The following FOXP2 variants were observed in gnomAD, a reference collection of about 807,000 sequenced individuals.
FOXP2 encodes forkhead box P2.
Under a neutral mutation model 115.8 loss-of-function variants are expected in FOXP2, and 12 were observed. That is an observed-to-expected ratio of 0.10 (90% CI 0.07 to 0.17). FOXP2 has a LOEUF of 0.17. FOXP2 is among the 10% of genes least tolerant of loss of function. The probability of loss-of-function intolerance (pLI) is 1.00; values close to 1 mark genes in which losing one functional copy is unlikely to be tolerated. For missense variants in FOXP2, 629 were observed against 843.5 expected (o/e 0.75, Z 3.15); for synonymous variants, 328 against 297.7 (o/e 1.10, Z -1.05).
chr7:114,539,940 A>G (rs1202923144), intron 3 of FOXP2, among the ~76,000 whole-genome samples: 1 of 152,018 alleles, frequency 6.6e-6, no homozygotes, highest in Non-Finnish European at 1.5e-5. Context: ...CTGTTTCCTC[A>G]TCCCTAAAAT....
chr7:114,464,489 C>T (rs968314636), intron 2 of FOXP2, among the ~76,000 whole-genome samples: 19 of 152,074 alleles, frequency 1.2e-4, no homozygotes, highest in African/African-American at 4.6e-4. Context: ...AAAAGGTTTC[C>T]CATGATAGCC....
At chr7:114,090,713 A>C (rs1799524831) in intron 1 of FOXP2, among the ~76,000 whole-genome samples, 1 of 151,830 alleles carries the variant, frequency 6.6e-6, no homozygotes, top group Non-Finnish European at 1.5e-5. Flanking sequence ...GGTGAAATAA[A>C]CATTTTCTTA....
At chr7:114,264,142 C>T (rs1460921226) in intron 1 of FOXP2, among the ~76,000 whole-genome samples, 2 of 152,004 alleles carry the variant, frequency 1.3e-5, no homozygotes, top group East Asian at 1.9e-4. Context: ...ATGTTATTTG[C>T]CTTACTTCTC....
At chr7:114,198,837 T>C (rs1453694904) in intron 1 of FOXP2, among the ~76,000 whole-genome samples, 2 of 152,186 alleles carry the variant, frequency 1.3e-5, no homozygotes, top group East Asian at 3.8e-4. Flanking sequence ...AATTGGGATC[T>C]GGCAAATTTG....
At chr7:114,374,549 T>C (rs1193386983) in intron 2 of FOXP2, among the ~76,000 whole-genome samples, 2 of 152,108 alleles carry the variant, frequency 1.3e-5, no homozygotes, top group Non-Finnish European at 2.9e-5. Flanking sequence ...AGCTTATAAT[T>C]AAATGGGAAG....
intron 1 of FOXP2, among the ~76,000 whole-genome samples, chr7:114,198,623 AC>A (rs1245378616): frequency 6.6e-6 from 1 of 152,184 alleles, no homozygotes; most frequent in African/African-American, 2.4e-5. Flanking sequence ...GTAAATGGTC[AC>A]TTGGCGGGGC....
intron 1 of FOXP2, among the ~76,000 whole-genome samples, chr7:114,152,916 A>G (rs951260289): frequency 5.3e-5 from 8 of 152,156 alleles, no homozygotes; most frequent in African/African-American, 1.9e-4. Flanking sequence ...AGTCGACAAC[A>G]TGTCTACTTT....
intron 2 of FOXP2, among the ~76,000 whole-genome samples, chr7:114,307,496 C>A (rs1377219111): frequency 6.6e-6 from 1 of 152,148 alleles, no homozygotes; most frequent in Non-Finnish European, 1.5e-5. Context: ...AAAGAACCCC[C>A]ACATATATGC....
chr7:114,428,748 C>T (rs780670497), intron 2 of FOXP2, among the ~76,000 whole-genome samples: 1 of 151,398 alleles, frequency 6.6e-6, no homozygotes, highest in Admixed American at 6.6e-5. Context: ...TAAGGATTAA[C>T]ATATCTTTTC....
At chr7:114,587,025 T>C (rs1474522099) in intron 3 of FOXP2, among the ~76,000 whole-genome samples, 1 of 151,762 alleles carries the variant, frequency 6.6e-6, no homozygotes, top group Non-Finnish European at 1.5e-5. Flanking sequence ...TAGTAGGTAT[T>C]CATTATTTAT....
chr7:114,404,461 A>G (rs976958401), intron 2 of FOXP2, among the ~76,000 whole-genome samples: 1 of 152,088 alleles, frequency 6.6e-6, no homozygotes. Flanking sequence ...ATTTTCCCTT[A>G]TATATGAAGA....
At chr7:114,393,293 T>C (rs1333026339) in intron 2 of FOXP2, among the ~76,000 whole-genome samples, 4 of 152,068 alleles carry the variant, frequency 2.6e-5, no homozygotes, top group Admixed American at 2.6e-4. Flanking sequence ...CTTCTTCTTT[T>C]TTTCCCTTCT....
chr7:114,086,589 T>C, upstream of FOXP2: 1 of 409,956 alleles, frequency 2.4e-6, no homozygotes, highest in South Asian at 1.7e-5. Context: ...CCCGGGACGC[T>C]GCCCACGGCG....
At chr7:114,462,273 C>A (rs1490612811) in intron 2 of FOXP2, among the ~76,000 whole-genome samples, 5 of 73,720 alleles carry the variant, frequency 6.8e-5, no homozygotes. Flanking sequence ...GAACGAGACT[C>A]CGTGAAAAAA....
At chr7:114,503,822 T>C (rs1797675143) in intron 2 of FOXP2, among the ~76,000 whole-genome samples, 1 of 151,332 alleles carries the variant, frequency 6.6e-6, no homozygotes, top group Admixed American at 6.6e-5. Flanking sequence ...GGTTCCTTAA[T>C]ACAATATTGC....
intron 3 of FOXP2, among the ~76,000 whole-genome samples, chr7:114,542,483 A>G (rs1799714386): frequency 6.6e-6 from 1 of 152,098 alleles, no homozygotes; most frequent in Non-Finnish European, 1.5e-5. Flanking sequence ...TGGAACCCTA[A>G]GGCTTTTTCC....
chr7:114,302,870 C>A (rs1796910270), intron 2 of FOXP2, among the ~76,000 whole-genome samples: 1 of 152,120 alleles, frequency 6.6e-6, no homozygotes, highest in Non-Finnish European at 1.5e-5. Context: ...TTGAAAGGAG[C>A]CCCAGCCTAG....
At chr7:114,316,957 C>A (rs545509581) in intron 2 of FOXP2, among the ~76,000 whole-genome samples, 8 of 152,144 alleles carry the variant, frequency 5.3e-5, no homozygotes, top group Non-Finnish European at 8.8e-5. Context: ...ACTTCTGGGT[C>A]CATACAAAAA....
At chr7:114,540,353 CTAG>C (rs778131027) in intron 3 of FOXP2, among the ~76,000 whole-genome samples, 90 of 152,108 alleles carry the variant, frequency 5.9e-4, no homozygotes, top group Non-Finnish European at 1.1e-3. Flanking sequence ...TCTCTAGTGC[CTAG>C]CACAGTGCTT....
Sources: gnomAD v4.1 joint callset for allele counts (sites outside exome capture counted in the v4.1 genomes callset) on GRCh38, gnomAD v4.1.1 for gene constraint, MANE v1.5 for transcripts, NCBI Gene and HGNC (gene_info 2026-07-23, HGNC 2026-07-21) for gene names.